Variants in PTPRN2 observed in about 807,000 individuals in gnomAD.
PTPRN2 encodes the protein receptor-type tyrosine-protein phosphatase N2.
PTPRN2 carries 74 observed loss-of-function variants against 118.8 expected under a neutral mutation model. That is an observed-to-expected ratio of 0.62 (90% confidence interval 0.52 to 0.76). The LOEUF (loss-of-function observed/expected upper bound fraction) is 0.76, where lower values mean the gene tolerates loss of function less well. PTPRN2 is among the 30% of genes least tolerant of loss of function. The pLI, the probability that PTPRN2 is intolerant of heterozygous loss-of-function variation, is 0.00. For synonymous variants in PTPRN2, 641 were observed against 608.0 expected, an observed-to-expected ratio of 1.05 and a Z score of -0.80; for missense variants, 1,481 against 1,394.4, an observed-to-expected ratio of 1.06 and a Z score of -0.99.
intron 11 of PTPRN2, among the ~76,000 whole-genome samples, chr7:158,068,003 T>G (rs992730351): frequency 7.2e-5 from 11 of 152,030 alleles, no homozygotes; most frequent in Admixed American, 6.6e-4. Context: ...GGCATGGACC[T>G]TGCAGCTGGG....
intron 2 of PTPRN2, among the ~76,000 whole-genome samples, chr7:158,421,874 C>G (rs1158192191): frequency 6.6e-6 from 1 of 152,134 alleles, no homozygotes; most frequent in Non-Finnish European, 1.5e-5. Context: ...TTTTTATTAG[C>G]CCTAAGGTTT....
chr7:158,047,137 T>G (rs576420417), intron 11 of PTPRN2, among the ~76,000 whole-genome samples: 1 of 152,264 alleles, frequency 6.6e-6, no homozygotes, highest in East Asian at 1.9e-4. Context: ...ATTTGCTGAG[T>G]GCAGACTCTG....
chr7:157,703,489 T>C (rs958153278), intron 12 of PTPRN2, among the ~76,000 whole-genome samples: 1 of 152,102 alleles, frequency 6.6e-6, no homozygotes, highest in African/African-American at 2.4e-5. Flanking sequence ...ACAGAAACTG[T>C]AAGATAAAAC....
chr7:158,095,896 G>C (rs1193970311), intron 10 of PTPRN2, among the ~76,000 whole-genome samples: 2 of 152,174 alleles, frequency 1.3e-5, no homozygotes, highest in Non-Finnish European at 2.9e-5. Flanking sequence ...AAAGATTCAA[G>C]TCCTATGGAT....
intron 3 of PTPRN2, among the ~76,000 whole-genome samples, chr7:158,211,665 G>A (rs1367436068): frequency 1.3e-5 from 2 of 152,118 alleles, no homozygotes; most frequent in South Asian, 4.1e-4. Flanking sequence ...CCTACAATGA[G>A]ATATCATCTC....
chr7:158,066,066 C>T (rs544164752), intron 11 of PTPRN2, among the ~76,000 whole-genome samples: 26 of 152,328 alleles, frequency 1.7e-4, no homozygotes, highest in South Asian at 6.2e-4. Flanking sequence ...TCTGACATGA[C>T]GTTGTATGTT....
intron 2 of PTPRN2, among the ~76,000 whole-genome samples, chr7:158,435,444 A>T (rs1816509273): frequency 6.6e-6 from 1 of 152,228 alleles, no homozygotes; most frequent in South Asian, 2.1e-4. Flanking sequence ...CAGAAAAAAA[A>T]AAGATGAGTA....
Position 158,046,957 on chromosome 7 carries a change from G to C in PTPRN2, c.1723+34341C>G, listed in dbSNP as rs189518827. 1.3e-4 allele frequency among the ~76,000 whole-genome samples: 20 copies of C among 152,304 alleles called. No individual in the cohort carries two copies. The East Asian group carries it at 3.9e-3, about 29-fold the overall frequency. On this transcript the variant is annotated intron_variant, in intron 11 of 22. Coordinates refer to ENST00000389418, the MANE Select transcript of PTPRN2 (RefSeq NM_002847.5). ...TTTTTAATTTAACCTTAATCCTGCAGGATCAGTACAGGGGCAGGCAATCAG... is the reference window on the plus strand; with the variant it reads ...TTTTTAATTTAACCTTAATCCTGCACGATCAGTACAGGGGCAGGCAATCAG...
chr7:158,332,297 C>G (rs568499473), intron 2 of PTPRN2, among the ~76,000 whole-genome samples: 2 of 147,114 alleles, frequency 1.4e-5, no homozygotes, highest in African/African-American at 2.7e-5. Flanking sequence ...CATCTGCAGA[C>G]GTCACTCACA....
rs770252182 is a variant in PTPRN2, at chr7:158,369,249, T to TTATATATATATA, written c.164-52329_164-52318dup. 5.8e-3 allele frequency among the ~76,000 whole-genome samples: 834 copies of TTATATATATATA among 143,972 alleles called. 9 individuals carry two copies. Among genetic ancestry groups the TTATATATATATA allele is most frequent in the African/African-American group, 0.014 (536 of 38,910 alleles). 94.5% of individuals were successfully genotyped at this position (143,972 alleles called of 152,430 possible). On this transcript the variant is annotated intron_variant, in intron 2 of 22. Coordinates refer to ENST00000389418, the MANE Select transcript of PTPRN2 (RefSeq NM_002847.5). ...GAGTTAATACTTAGTAAACTCCCCT[T>TTATATATATATA]TATATATATATACACACATACACAC... is the stretch of plus-strand genomic sequence containing the variant.
intron 15 of PTPRN2, among the ~76,000 whole-genome samples, chr7:157,606,160 G>C (rs7459356): frequency 0.16 from 24,528 of 152,238 alleles, 2,231 homozygotes; most frequent in African/African-American, 0.25. Flanking sequence ...CTGCTGGGCT[G>C]TGACAGCGCC....
At position 157,590,247 on chromosome 7, in the gene PTPRN2, C is replaced by T. The variant is rs1800906680; in HGVS notation, c.2496+4991G>A. On this transcript the variant is annotated intron_variant, in intron 17 of 22. Coordinates refer to ENST00000389418, the MANE Select transcript of PTPRN2 (RefSeq NM_002847.5). This position sits in a 1 kb window ranked among gnomAD's most constrained non-coding sequence, Gnocchi z 4.0. ...TTTATATGACAAAATGACACCCTCA[C>T]CCCAAAATGGGTATTCTTTCCTTGA... Among the ~76,000 whole-genome samples the T allele has an allele frequency of 6.6e-6, 1 of 152,192 alleles. No homozygotes were observed. Among genetic ancestry groups the T allele is most frequent in the Non-Finnish European group, 1.5e-5 (1 of 68,048 alleles).
intron 1 of PTPRN2, among the ~76,000 whole-genome samples, chr7:158,520,382 ATTT>A (rs1823892776): frequency 6.6e-6 from 1 of 152,202 alleles, no homozygotes; most frequent in Non-Finnish European, 1.5e-5. Context: ...GAAAATTATT[ATTT>A]ATGTCCATCT....
intron 2 of PTPRN2, among the ~76,000 whole-genome samples, chr7:158,329,071 G>C (rs1197719153): frequency 6.6e-6 from 1 of 152,210 alleles, no homozygotes; most frequent in Admixed American, 6.5e-5. Context: ...GGATCCCAGT[G>C]AGGCCTGGGA....
chr7:158,504,648 A>G (rs555245575), intron 1 of PTPRN2, among the ~76,000 whole-genome samples: 3 of 152,348 alleles, frequency 2.0e-5, no homozygotes, highest in Non-Finnish European at 2.9e-5. Context: ...TTGTGTACAC[A>G]CAACTTTATA....
chr7:158,409,558 G>C (rs1403865334), intron 2 of PTPRN2, among the ~76,000 whole-genome samples: 4 of 152,204 alleles, frequency 2.6e-5, no homozygotes, highest in African/African-American at 9.6e-5. Flanking sequence ...TGCCTGAAAA[G>C]GACCGTGGTT....
At chr7:157,734,262 TGTGCCCAGTGCAGTCTTCCGTC>T (rs1451198478) in intron 12 of PTPRN2, among the ~76,000 whole-genome samples, 76 of 73,426 alleles carry the variant, frequency 1.0e-3, no homozygotes, top group Non-Finnish European at 2.3e-3. Context: ...TTCCGTCCCA[TGTGCCCAGTGCAGTCTTCCGTC>T]CCATGCGCCC....
intron 12 of PTPRN2, among the ~76,000 whole-genome samples, chr7:157,714,062 G>A (rs979090147): frequency 6.6e-6 from 1 of 152,196 alleles, no homozygotes; most frequent in Non-Finnish European, 1.5e-5. Flanking sequence ...AAGCCACGAA[G>A]GCATCGTCTT....
chr7:157,672,079 G>A (rs1415597291), intron 13 of PTPRN2, among the ~76,000 whole-genome samples: 1 of 152,116 alleles, frequency 6.6e-6, no homozygotes. Context: ...GCTGACTGGG[G>A]TACAGGGGCC....
Sources: gnomAD v4.1 joint callset for allele counts (sites outside exome capture counted in the v4.1 genomes callset) on GRCh38, gnomAD v4.1.1 for gene constraint, Gnocchi (gnomAD v3.1) non-coding constraint, MANE v1.5 for transcripts, NCBI Gene and HGNC (gene_info 2026-07-23, HGNC 2026-07-21) for gene names.